The following SUN3 variants were observed in gnomAD, a reference collection of about 807,000 sequenced individuals.
SUN3 encodes the protein SUN domain-containing protein 3.
In SUN3, 36 loss-of-function variants were observed where a neutral mutation model predicts 48.2. The observed-to-expected ratio is 0.75, with a 90% CI of 0.57 to 0.99. The LOEUF (loss-of-function observed/expected upper bound fraction) is 0.99. Ranked by LOEUF, SUN3 falls within the 50% of genes least tolerant of loss-of-function variation. The pLI is 0.00. For missense variants in SUN3, 419 were observed against 433.1 expected, an observed-to-expected ratio of 0.97 and a Z score of 0.29; for synonymous variants, 148 against 147.9, an observed-to-expected ratio of 1.00 and a Z score of 0.00.
At position 48,017,177 on chromosome 7, in the gene SUN3, A is replaced by C; in HGVS notation, c.288+85T>G. Reference sequence around the variant, plus strand: ...TATTAGATATTCTCATATAAAACAAAGATAACATATTGAAAGTTGAACTAG... The same window carrying C: ...TATTAGATATTCTCATATAAAACAACGATAACATATTGAAAGTTGAACTAG... On this transcript the variant is annotated intron_variant, in intron 3 of 9. Transcript: ENST00000297325. 3 of 669,954 alleles carry C rather than the reference A, an allele frequency of 4.5e-6. No individual in the cohort carries two copies. In the Admixed American group the frequency reaches 9.2e-5, roughly 21 times the overall value. 41.5% of individuals were successfully genotyped at this position (669,954 alleles called of 1,614,324 possible). A position where few individuals can be genotyped will look rare whatever the true frequency, so the allele number is the denominator to read the frequency against.
chr7:48,001,522 G>GGT lies in SUN3; in HGVS notation c.577+4446_577+4447insAC, dbSNP rs1789366871. Among the ~76,000 whole-genome samples the GGT allele has an allele frequency of 2.5e-5, 3 of 121,890 alleles. No individual in the cohort carries two copies. The East Asian group carries it at 6.8e-4, about 28-fold the overall frequency. The allele number at this position is 121,890 out of a possible 152,430, so 80.0% of individuals were successfully genotyped here. A position where few individuals can be genotyped will look rare whatever the true frequency, so the allele number is the denominator to read the frequency against. Reference sequence around the variant, plus strand: ...TTTAGGTTGGTTCCATGTCTTTTCTGTTTTTTTTGTTTTTTTTTTTTTTTT... The same window carrying GGT: ...TTTAGGTTGGTTCCATGTCTTTTCTGGTTTTTTTTTGTTTTTTTTTTTTTTTT... On this transcript the variant is annotated intron_variant, in intron 6 of 9. Transcript: ENST00000297325.
intron 8 of SUN3, among the ~76,000 whole-genome samples, chr7:47,989,158 T>A (rs752455053): frequency 1.3e-5 from 2 of 152,170 alleles, no homozygotes; most frequent in Non-Finnish European, 2.9e-5. Context: ...AGATAGATAG[T>A]TAGAAGATAG....
At chr7:47,996,221 A>T (rs1283104396) in intron 6 of SUN3, 75 bp from the exon 7 acceptor site, 1 of 831,114 alleles carries the variant, frequency 1.2e-6, no homozygotes, top group Non-Finnish European at 1.9e-6. Flanking sequence ...AATTTTAACA[A>T]TGTCTCTAGA....
chr7:48,000,907 A>G (rs1202284943), intron 6 of SUN3, among the ~76,000 whole-genome samples: 1 of 147,212 alleles, frequency 6.8e-6, no homozygotes, highest in African/African-American at 2.5e-5. Context: ...GTTTTTAGCT[A>G]TTACGTCTTT....
chr7:48,011,651 C>T (rs1789685872), intron 3 of SUN3, among the ~76,000 whole-genome samples: 1 of 152,118 alleles, frequency 6.6e-6, no homozygotes, highest in African/African-American at 2.4e-5. Flanking sequence ...AATTAATTTG[C>T]TGATAAATGA....
intron 6 of SUN3, among the ~76,000 whole-genome samples, chr7:47,997,809 C>T (rs1021123865): frequency 2.0e-5 from 3 of 152,176 alleles, no homozygotes; most frequent in Non-Finnish European, 4.4e-5. Flanking sequence ...CTGGACATTT[C>T]TTTTGCTGCT....
At chr7:48,001,521 T>TC (rs1789366617) in intron 6 of SUN3, among the ~76,000 whole-genome samples, 1 of 128,088 alleles carries the variant, frequency 7.8e-6, no homozygotes, top group Non-Finnish European at 1.7e-5. Context: ...ATGTCTTTTC[T>TC]GTTTTTTTTG....
At chr7:48,013,766 A>G (rs1015237924) in intron 3 of SUN3, among the ~76,000 whole-genome samples, 2 of 152,186 alleles carry the variant, frequency 1.3e-5, no homozygotes, top group African/African-American at 4.8e-5. Context: ...TGAGCTCAGG[A>G]GATTGAGAAA....
chr7:48,016,900 A>G (rs963991273), intron 3 of SUN3, among the ~76,000 whole-genome samples: 4 of 152,158 alleles, frequency 2.6e-5, no homozygotes, highest in African/African-American at 9.7e-5. Context: ...GAAGGGTGAA[A>G]GGGCACAGGA....
chr7:48,031,886 T>TG (rs1790261285), upstream of SUN3, among the ~76,000 whole-genome samples: 1 of 137,572 alleles, frequency 7.3e-6, no homozygotes, highest in African/African-American at 2.9e-5. Context: ...TGTGTGGTGG[T>TG]GGTGGGGGGA....
In SUN3 at chr7:48,005,883, C is replaced by T. The variant is rs146646048; in HGVS notation, c.577+86G>A. ...CCAAGTTACCAGATAAATATGTTTT[C>T]CTCATAAACAAATGTAGAGAATAGG... is the stretch of plus-strand genomic sequence containing the variant. On this transcript the variant is annotated intron_variant, in intron 6 of 9. Coordinates refer to ENST00000297325, the MANE Select transcript of SUN3 (RefSeq NM_001030019.2). The T allele has an allele frequency of 2.0e-3, 1,319 of 658,842 alleles. 12 individuals are homozygous for T. Among genetic ancestry groups the T allele is most frequent in the Middle Eastern group, 0.016 (55 of 3,472 alleles). 40.8% of individuals were successfully genotyped at this position (658,842 alleles called of 1,614,324 possible). A position where few individuals can be genotyped will look rare whatever the true frequency, so the allele number is the denominator to read the frequency against.
At chr7:48,027,629 C>A (rs1419860917) in intron 1 of SUN3, among the ~76,000 whole-genome samples, 1 of 152,204 alleles carries the variant, frequency 6.6e-6, no homozygotes, top group Non-Finnish European at 1.5e-5. Context: ...ATGGACCATT[C>A]ATTAACTGTA....
At chr7:48,009,445 G>T (rs529426860) in intron 3 of SUN3, among the ~76,000 whole-genome samples, 1 of 152,290 alleles carries the variant, frequency 6.6e-6, no homozygotes, top group African/African-American at 2.4e-5. Flanking sequence ...AGCGGGAGAG[G>T]CGCCCCTGGT....
chr7:47,988,778 C>T lies in SUN3; in HGVS notation c.954+10G>A, dbSNP rs1330098591. 1 of 1,558,618 alleles carries T rather than the reference C, an allele frequency of 6.4e-7. No individual in the cohort carries two copies. Among genetic ancestry groups the T allele is most frequent in the Non-Finnish European group, 8.8e-7 (1 of 1,135,934 alleles). On this transcript the variant is annotated intron_variant, in intron 9 of 9. Transcript: ENST00000297325. Reference sequence around the variant, plus strand: ...GAGCTACTCATATCATTTCCCAGAGCATACATTACCTGGAGTTCAAATGTT... The same window carrying T: ...GAGCTACTCATATCATTTCCCAGAGTATACATTACCTGGAGTTCAAATGTT...
At chr7:48,021,949 T>TATCA (rs368115376) in intron 2 of SUN3, among the ~76,000 whole-genome samples, 11 of 152,162 alleles carry the variant, frequency 7.2e-5, no homozygotes, top group African/African-American at 2.4e-4. Flanking sequence ...GACATCAGTA[T>TATCA]ATCAAAGAGA....
At chr7:48,005,837 A>C in intron 6 of SUN3, 132 bp downstream of exon 6, 1 of 519,916 alleles carries the variant, frequency 1.9e-6, no homozygotes, top group Non-Finnish European at 3.4e-6. Context: ...TTTATTATCT[A>C]AATTGATTAA....
At chr7:48,023,138 C>T (rs1562614084) in intron 2 of SUN3, among the ~76,000 whole-genome samples, 1 of 152,008 alleles carries the variant, frequency 6.6e-6, no homozygotes, top group Non-Finnish European at 1.5e-5. Flanking sequence ...GTTTGTAACT[C>T]CTTCTTTTAT....
At chr7:47,992,096 A>AG (rs35171670) in intron 8 of SUN3, among the ~76,000 whole-genome samples, 64,497 of 151,778 alleles carry the variant, frequency 0.42, 13,863 homozygotes, top group Middle Eastern at 0.53. Flanking sequence ...CTCTCCTGAT[A>AG]GCACACTTGT....
intron 3 of SUN3, among the ~76,000 whole-genome samples, chr7:48,015,837 G>A (rs1014120347): frequency 3.3e-5 from 5 of 152,300 alleles, no homozygotes; most frequent in African/African-American, 1.2e-4. Flanking sequence ...CTGGGAGTAG[G>A]CCAAACTAAC....
Sources: gnomAD v4.1 joint callset for allele counts (sites outside exome capture counted in the v4.1 genomes callset) on GRCh38, gnomAD v4.1.1 for gene constraint, MANE v1.5 for transcripts, NCBI Gene and HGNC (gene_info 2026-07-23, HGNC 2026-07-21) for gene names.